RYR1: variants seen among roughly 807,000 people sequenced by gnomAD.
The protein encoded by RYR1 is central core disease of muscle.
RYR1 carries 342 observed loss-of-function variants against 583.5 expected under a neutral mutation model. The ratio of observed to expected loss-of-function variants is 0.59; its 90% CI spans 0.54 to 0.64. RYR1 has a LOEUF of 0.64. Among genes scored for constraint, RYR1 ranks in the 30% least tolerant of loss-of-function variants. RYR1 has a pLI of 0.00. For missense variants in RYR1, 6,032 were observed against 6,917.2 expected (o/e 0.87, Z 4.54); for synonymous variants, 2,791 against 2,822.5 (o/e 0.99, Z 0.35).
Position 38,451,701 on chromosome 19 carries a change from C to T in RYR1, c.1123-63C>T, listed in dbSNP as rs976732626. ...AGTGCAGAACTCAAGTCTAGACAGA[C>T]GTCTTGGGGGCATGGCCCTGGGTGG... On this transcript the variant is annotated intron_variant, in intron 11 of 105. Coordinates refer to ENST00000359596, the MANE Select transcript of RYR1 (RefSeq NM_000540.3). The T allele has an allele frequency of 5.5e-4, 877 of 1,603,970 alleles. 6 individuals carry two copies. Among genetic ancestry groups the T allele is most frequent in the Middle Eastern group, 3.8e-3 (20 of 5,240 alleles).
intron 18 of RYR1, among the ~76,000 whole-genome samples, chr19:38,458,575 A>C (rs1053565567): frequency 3.0e-4 from 45 of 152,066 alleles, no homozygotes; most frequent in African/African-American, 1.1e-3. Flanking sequence ...CTGATCTTTG[A>C]CTTCTAACCC....
intron 89 of RYR1, among the ~76,000 whole-genome samples, chr19:38,549,875 TTGTGTGTGTGTGTGTGTGTGTGTGTGTG>T (rs150566334): frequency 1.6e-5 from 2 of 122,188 alleles, no homozygotes; most frequent in Non-Finnish European, 3.3e-5. Context: ...CCAGCTAAAT[TTGTGTGTGTGTGTGTGTGTGTGTGTGTG>T]TGTGTGTGTG....
intron 99 of RYR1, among the ~76,000 whole-genome samples, chr19:38,578,431 G>C (rs982366199): frequency 2.0e-5 from 3 of 152,082 alleles, no homozygotes; most frequent in African/African-American, 7.2e-5. Flanking sequence ...GGTGGCTCAC[G>C]CCTGTACTCC....
intron 104 of RYR1, 25 bp downstream of exon 104, chr19:38,586,216 G>A (rs2145918417): frequency 6.2e-6 from 10 of 1,603,118 alleles, no homozygotes; most frequent in Non-Finnish European, 8.5e-6. Context: ...TGGCCAGTCA[G>A]GAGGGTGGGG....
At chr19:38,564,203 A>T (rs1354445020) in intron 90 of RYR1, among the ~76,000 whole-genome samples, 1 of 151,984 alleles carries the variant, frequency 6.6e-6, no homozygotes, top group Non-Finnish European at 1.5e-5. Flanking sequence ...ACACAGACAG[A>T]CCCTGTCTCT....
At chr19:38,485,208 T>G (rs1202855464) in intron 33 of RYR1, among the ~76,000 whole-genome samples, 1 of 152,088 alleles carries the variant, frequency 6.6e-6, no homozygotes, top group Non-Finnish European at 1.5e-5. Context: ...ACTCTCAGAC[T>G]CTTACGAAGT....
In RYR1 at chr19:38,444,231, C is replaced by A; in HGVS notation, c.507C>A (p.Ile169=). 6.2e-7 allele frequency: 1 copy of A among 1,614,050 alleles called. No individual in the cohort carries two copies. Among genetic ancestry groups the A allele is most frequent in the South Asian group, 1.1e-5 (1 of 91,080 alleles). The change falls in exon 6 of 106, where the codon ATC becomes ATA. Residue 169 remains isoleucine (I), a synonymous_variant. Transcript: ENST00000359596. This position sits in a 1 kb window ranked among gnomAD's most constrained non-coding sequence, Gnocchi z 5.1. ...AGGTCCGCGTTGGGGATGACATCAT[C>A]CTTGTCAGTGTCTCCTCCGAGCGCT... The part of the protein sequence containing the change: ...GEKVRVGDDI[I]LVSVSSERYL...
chr19:38,550,889 A>G (rs1198407001), intron 89 of RYR1, among the ~76,000 whole-genome samples: 1 of 152,036 alleles, frequency 6.6e-6, no homozygotes, highest in Non-Finnish European at 1.5e-5. Flanking sequence ...TAGCTGACAA[A>G]TGGTGGTTTT....
rs1972295025 is a variant in RYR1 at position 38,543,557 on chromosome 19, A to G, written c.11804A>G (p.Tyr3935Cys). ...GAATCCATCAGCGACTTCTACTGGTACTACTCGGGCAAGGATGTCATTGAA... is the reference window on the plus strand; with the variant it reads ...GAATCCATCAGCGACTTCTACTGGTGCTACTCGGGCAAGGATGTCATTGAA... Reference protein sequence around the residue: ...LQESISDFYWYYSGKDVIEEQ... With the variant: ...LQESISDFYWCYSGKDVIEEQ... Residue 3935 changes from tyrosine (Y) to cysteine (C), a missense_variant, in exon 86 of 106, where the codon TAC becomes TGC. By Grantham distance (194) the Tyr-to-Cys change is radical (BLOSUM62 -2). Coordinates refer to ENST00000359596, the MANE Select transcript of RYR1 (RefSeq NM_000540.3). The surrounding 1 kb of genome is among the most constrained non-coding windows in gnomAD (Gnocchi z 4.4). The G allele has an allele frequency of 6.2e-7, 1 of 1,614,156 alleles. No individual in the cohort carries two copies.
chr19:38,516,675 A>G (rs1332981429), intron 65 of RYR1, among the ~76,000 whole-genome samples: 1 of 152,150 alleles, frequency 6.6e-6, no homozygotes, highest in Non-Finnish European at 1.5e-5. Context: ...ACATAGGGTG[A>G]GGGGTATTTG....
At chr19:38,464,580 G>A in intron 22 of RYR1, 59 bp from the exon 23 acceptor site, 1 of 1,440,610 alleles carries the variant, frequency 6.9e-7, no homozygotes, top group South Asian at 1.2e-5. Context: ...GCCGTGGGAG[G>A]AGACGGGGCA....
intron 98 of RYR1, 29 bp downstream of exon 98, chr19:38,578,077 TG>T (rs1352119870): frequency 6.2e-7 from 1 of 1,613,648 alleles, no homozygotes; most frequent in Admixed American, 1.7e-5. Context: ...TGCACAGGCC[TG>T]GGGCATGCAG....
At chr19:38,566,598 C>T (rs1415089418) in intron 91 of RYR1, among the ~76,000 whole-genome samples, 3 of 151,818 alleles carry the variant, frequency 2.0e-5, no homozygotes, top group South Asian at 2.1e-4. Context: ...CCCCAAACAT[C>T]CTCAGGCCCT....
At chr19:38,472,601 G>A (rs1472257464) in intron 27 of RYR1, among the ~76,000 whole-genome samples, 1 of 151,986 alleles carries the variant, frequency 6.6e-6, no homozygotes, top group Non-Finnish European at 1.5e-5. Context: ...AACTTGGCTG[G>A]GGGTGGTGGC....
At chr19:38,454,271 C>T (rs1353682980) in intron 13 of RYR1, among the ~76,000 whole-genome samples, 1 of 152,194 alleles carries the variant, frequency 6.6e-6, no homozygotes, top group Non-Finnish European at 1.5e-5. Flanking sequence ...AACTCCTGAC[C>T]TCAGGTGATC....
chr19:38,534,062 A>C (rs1313584161), intron 78 of RYR1, among the ~76,000 whole-genome samples: 1 of 137,720 alleles, frequency 7.3e-6, no homozygotes, highest in Non-Finnish European at 1.5e-5. Flanking sequence ...GGCTGGATGG[A>C]GTGCAGTGGC....
At chr19:38,479,076 G>A (rs1346137817) in intron 31 of RYR1, among the ~76,000 whole-genome samples, 1 of 152,090 alleles carries the variant, frequency 6.6e-6, no homozygotes, top group Non-Finnish European at 1.5e-5. Context: ...CCAGAGTCCA[G>A]CCTTGACCTT....
rs757639147 is a variant in RYR1, at chr19:38,455,558, C to G, written c.1672+12C>G. On this transcript the variant is annotated intron_variant, in intron 15 of 105. Coordinates refer to ENST00000359596, the MANE Select transcript of RYR1 (RefSeq NM_000540.3). The stretch of plus-strand genomic sequence containing the variant: ...GGAGGCCTCGTCTGGTAGGAGAACC[C>G]GGGGGAGTGGGACAGAGGCTTGTGG... The G allele has an allele frequency of 1.2e-6, 2 of 1,613,726 alleles. No homozygotes were observed. The highest frequency in any genetic ancestry group is 1.1e-5 in the South Asian group (1 of 91,076).
rs554979778 is a variant in RYR1 at position 38,434,904 on chromosome 19, C to T, written c.45+1030C>T. ...TTCCTGCCCCAGAATAGGACCCTGG[C>T]GAGCCGGGTCCGGTTTCCTGGGAGA... On this transcript the variant is annotated intron_variant, in intron 1 of 105. Coordinates refer to ENST00000359596, the MANE Select transcript of RYR1 (RefSeq NM_000540.3). Among the ~76,000 whole-genome samples the T allele has an allele frequency of 2.4e-4, 36 of 152,240 alleles. 1 individual carries two copies. In the East Asian group the frequency reaches 6.0e-3, roughly 25 times the overall value.
Sources: gnomAD v4.1 joint callset for allele counts (sites outside exome capture counted in the v4.1 genomes callset) on GRCh38, gnomAD v4.1.1 for gene constraint, Gnocchi (gnomAD v3.1) non-coding constraint, MANE v1.5 for transcripts, NCBI Gene and HGNC (gene_info 2026-07-23, HGNC 2026-07-21) for gene names.